Variants in MTHFD2L observed in about 807,000 individuals in gnomAD.
MTHFD2L encodes the protein bifunctional methylenetetrahydrofolate dehydrogenase/cyclohydrolase 2, mitochondrial.
In MTHFD2L, 29 loss-of-function variants were observed where a neutral mutation model predicts 34.9. The ratio of observed to expected loss-of-function variants is 0.83; its 90% CI spans 0.62 to 1.13. MTHFD2L has a LOEUF of 1.13. Among genes scored for constraint, MTHFD2L ranks in the 50% most tolerant of loss-of-function variants. The pLI, the probability that MTHFD2L is intolerant of heterozygous loss-of-function variation, is 0.00. For missense variants in MTHFD2L, 481 were observed against 446.5 expected (o/e 1.08, Z -0.70); for synonymous variants, 167 against 155.7 (o/e 1.07, Z -0.54).
At chr4:74,245,827 A>G (rs903161334) in intron 6 of MTHFD2L, among the ~76,000 whole-genome samples, 1 of 151,736 alleles carries the variant, frequency 6.6e-6, no homozygotes. Flanking sequence ...TTATGGCTGC[A>G]TAGTATTCCA....
At chr4:74,263,703 T>C (rs960279616) in intron 6 of MTHFD2L, among the ~76,000 whole-genome samples, 4 of 152,016 alleles carry the variant, frequency 2.6e-5, no homozygotes, top group African/African-American at 9.7e-5. Flanking sequence ...GAGGAAGTTG[T>C]TTTTCAGCTT....
chr4:74,220,719 G>A (rs1042219305), intron 5 of MTHFD2L, among the ~76,000 whole-genome samples: 8 of 151,448 alleles, frequency 5.3e-5, no homozygotes, highest in Non-Finnish European at 1.0e-4. Flanking sequence ...TTCTTACAAT[G>A]TATTTTCTAA....
chr4:74,204,247 CAAT>C (rs57053802), intron 5 of MTHFD2L, among the ~76,000 whole-genome samples: 7,966 of 151,946 alleles, frequency 0.052, 600 homozygotes, highest in African/African-American at 0.16. Context: ...TCTAAAATGA[CAAT>C]AATATTAATA....
intron 1 of MTHFD2L, among the ~76,000 whole-genome samples, chr4:74,126,524 T>C (rs1478701396): frequency 6.6e-6 from 1 of 151,978 alleles, no homozygotes; most frequent in Non-Finnish European, 1.5e-5. Flanking sequence ...TCTTAAAATA[T>C]CTAGTTTTGT....
At chr4:74,211,512 C>T (rs1378315664) in intron 5 of MTHFD2L, among the ~76,000 whole-genome samples, 1 of 152,170 alleles carries the variant, frequency 6.6e-6, no homozygotes, top group Non-Finnish European at 1.5e-5. Flanking sequence ...ATTGAACCAG[C>T]CTTGCATCCC....
chr4:74,168,168 TCA>T (rs1727159156), intron 1 of MTHFD2L, among the ~76,000 whole-genome samples: 1 of 152,222 alleles, frequency 6.6e-6, no homozygotes, highest in South Asian at 2.1e-4. Flanking sequence ...GCTTCGTGTC[TCA>T]CAGTAAAAGC....
At chr4:74,162,658 T>C (rs553974860) in intron 1 of MTHFD2L, among the ~76,000 whole-genome samples, 8 of 152,298 alleles carry the variant, frequency 5.3e-5, no homozygotes, top group African/African-American at 1.9e-4. Flanking sequence ...GCTGAGATTT[T>C]GCATATACAG....
chr4:74,155,652 G>A (rs374150479), upstream of MTHFD2L, among the ~76,000 whole-genome samples: 4 of 152,076 alleles, frequency 2.6e-5, no homozygotes, highest in East Asian at 5.8e-4. Context: ...GTTAACAAAT[G>A]AATGTCTGCA....
chr4:74,215,949 C>A (rs529468467), intron 5 of MTHFD2L, among the ~76,000 whole-genome samples: 13 of 150,674 alleles, frequency 8.6e-5, no homozygotes, highest in Non-Finnish European at 1.8e-4. Flanking sequence ...CTAATTTTAT[C>A]CTGAGAGCTT....
At chr4:74,151,780 T>G (rs986853763) in intron 1 of MTHFD2L, among the ~76,000 whole-genome samples, 10 of 152,338 alleles carry the variant, frequency 6.6e-5, no homozygotes, top group Admixed American at 3.9e-4. Flanking sequence ...TTAAGCATCT[T>G]GGTCTTTCTA....
intron 6 of MTHFD2L, among the ~76,000 whole-genome samples, chr4:74,257,767 G>T (rs1346357441): frequency 6.6e-6 from 1 of 152,070 alleles, no homozygotes; most frequent in Non-Finnish European, 1.5e-5. Flanking sequence ...AACTTGAAAA[G>T]CTTCTTCACA....
chr4:74,163,846 T>A (rs1440168075), intron 1 of MTHFD2L, among the ~76,000 whole-genome samples: 1 of 152,170 alleles, frequency 6.6e-6, no homozygotes, highest in Admixed American at 6.5e-5. Context: ...TTAATCATTC[T>A]ATTAGGATTT....
intron 1 of MTHFD2L, among the ~76,000 whole-genome samples, chr4:74,171,264 T>C (rs1475028845): frequency 6.6e-6 from 1 of 152,114 alleles, no homozygotes; most frequent in East Asian, 1.9e-4. Context: ...TCAGTATTCG[T>C]TAAGGGAATG....
At chr4:74,222,114 A>G (rs1339961781) in intron 5 of MTHFD2L, among the ~76,000 whole-genome samples, 3 of 151,936 alleles carry the variant, frequency 2.0e-5, no homozygotes, top group East Asian at 3.9e-4. Context: ...GATTCCTGTT[A>G]TTACATATTA....
At chr4:74,146,112 A>G (rs1723579033) in intron 1 of MTHFD2L, among the ~76,000 whole-genome samples, 1 of 152,234 alleles carries the variant, frequency 6.6e-6, no homozygotes, top group South Asian at 2.1e-4. Context: ...TGCTTCACAC[A>G]TTAGTAGTCA....
intron 1 of MTHFD2L, among the ~76,000 whole-genome samples, chr4:74,158,579 A>G (rs1245525707): frequency 6.6e-6 from 1 of 152,206 alleles, no homozygotes; most frequent in African/African-American, 2.4e-5. Context: ...AAGGTAGTAT[A>G]AAAACACGTG....
intron 1 of MTHFD2L, among the ~76,000 whole-genome samples, chr4:74,139,145 T>G (rs1723133750): frequency 6.6e-6 from 1 of 152,184 alleles, no homozygotes; most frequent in Admixed American, 6.5e-5. Flanking sequence ...AATTTCTTAT[T>G]TGTTTTTCCA....
chr4:74,234,795 C>CG (rs576512591), intron 6 of MTHFD2L, among the ~76,000 whole-genome samples: 1 of 113,662 alleles, frequency 8.8e-6, no homozygotes, highest in African/African-American at 5.0e-5. Context: ...GAAAAGGAGA[C>CG]AGTGTGTGTG....
At chr4:74,257,955 G>A (rs376331770) in intron 6 of MTHFD2L, among the ~76,000 whole-genome samples, 2 of 151,864 alleles carry the variant, frequency 1.3e-5, no homozygotes, top group East Asian at 1.9e-4. Flanking sequence ...TCTAAAAAAG[G>A]CATACAAATG....
Sources: gnomAD v4.1 joint callset for allele counts (sites outside exome capture counted in the v4.1 genomes callset) on GRCh38, gnomAD v4.1.1 for gene constraint, MANE v1.5 for transcripts, NCBI Gene and HGNC (gene_info 2026-07-23, HGNC 2026-07-21) for gene names.